PGAP1: variants seen among roughly 807,000 people sequenced by gnomAD.
PGAP1 encodes GPI inositol-deacylase.
In PGAP1, 76 loss-of-function variants were observed where a neutral mutation model predicts 127.0. The observed-to-expected ratio is 0.60, with a 90% CI of 0.50 to 0.72. The LOEUF is 0.72. Among genes scored for constraint, PGAP1 ranks in the 30% least tolerant of loss-of-function variants. The probability of loss-of-function intolerance (pLI) is 0.00; values close to 1 mark genes in which losing one functional copy is unlikely to be tolerated. For synonymous variants in PGAP1, 362 were observed against 366.5 expected, an observed-to-expected ratio of 0.99 and a Z score of 0.14; for missense variants, 982 against 1,071.3, an observed-to-expected ratio of 0.92 and a Z score of 1.16.
chr2:196,886,291 G>T (rs547543357), intron 10 of PGAP1, among the ~76,000 whole-genome samples: 2 of 150,730 alleles, frequency 1.3e-5, no homozygotes, highest in South Asian at 4.2e-4. Context: ...CTCCCAAGTA[G>T]CTGGGATTAC....
chr2:196,841,458 A>C, intron 26 of PGAP1, 86 bp from the exon 27 acceptor site: 1 of 963,162 alleles, frequency 1.0e-6, no homozygotes, highest in Non-Finnish European at 1.5e-6. Context: ...AGTTTTGGAA[A>C]GATAAATATT....
intron 20 of PGAP1, among the ~76,000 whole-genome samples, chr2:196,863,331 T>C (rs1169559702): frequency 6.6e-6 from 1 of 152,084 alleles, no homozygotes; most frequent in African/African-American, 2.4e-5. Context: ...CTAAAGTCCA[T>C]CAACAAGTGA....
chr2:196,861,218 C>T lies in PGAP1; in HGVS notation c.1861+3769G>A, dbSNP rs115904336. ...GACTTAAATTTAAAACCCGAAACGA[C>T]GAAACTACCACAAGAATATATTGGA... On this transcript the variant is annotated intron_variant, in intron 20 of 26. Coordinates refer to ENST00000354764, the MANE Select transcript of PGAP1 (RefSeq NM_024989.4). Among the ~76,000 whole-genome samples the T allele has an allele frequency of 6.7e-3, 1,016 of 152,164 alleles. 5 individuals are homozygous for T. Among genetic ancestry groups the T allele is most frequent in the African/African-American group, 0.022 (933 of 41,502 alleles).
intron 21 of PGAP1, chr2:196,847,514 T>A (rs1700594277): frequency 5.0e-6 from 1 of 199,536 alleles, no homozygotes; most frequent in Non-Finnish European, 1.0e-5. Context: ...AAAAAAGATC[T>A]ACATATTGAT....
In PGAP1 at chr2:196,839,391, G is replaced by A. The variant is rs1011008861; in HGVS notation, c.*1843C>T. 2.6e-5 allele frequency: 4 copies of A among 152,168 alleles called. No individual in the cohort carries two copies. The highest frequency in any genetic ancestry group is 5.9e-5 in the Non-Finnish European group (4 of 68,030). The allele number at this position is 152,168 out of a possible 1,614,324, so 9.4% of individuals were successfully genotyped here. ...CCCTATTTAAACATATACGTGGTAT[G>A]CCATGGGACAAGTATATAATCTAAT... is the stretch of plus-strand genomic sequence containing the variant. On this transcript the variant is annotated 3_prime_UTR_variant, in exon 27 of 27. Coordinates refer to ENST00000354764, the MANE Select transcript of PGAP1 (RefSeq NM_024989.4).
At position 196,923,187 on chromosome 2, in the gene PGAP1, C is replaced by A. The variant is rs1014507676; in HGVS notation, c.148-3037G>T. On this transcript the variant is annotated intron_variant, in intron 1 of 26. Coordinates refer to ENST00000354764, the MANE Select transcript of PGAP1 (RefSeq NM_024989.4). ...TAGAGATATTTTACATATATACAAG[C>A]AAATATGTTTATCGATTATTTTTTA... is the stretch of plus-strand genomic sequence containing the variant. 2.0e-5 allele frequency among the ~76,000 whole-genome samples: 3 copies of A among 152,078 alleles called. 1 individual carries two copies. The highest frequency in any genetic ancestry group is 4.1e-4 in the South Asian group (2 of 4,828).
At chr2:196,874,241 A>G (rs1701492022) in intron 14 of PGAP1, among the ~76,000 whole-genome samples, 1 of 152,134 alleles carries the variant, frequency 6.6e-6, no homozygotes, top group African/African-American at 2.4e-5. Context: ...CCCAATATTC[A>G]AAGCTAGAAT....
chr2:196,867,185 T>A (rs1037945688), intron 19 of PGAP1, among the ~76,000 whole-genome samples: 1 of 152,194 alleles, frequency 6.6e-6, no homozygotes, highest in African/African-American at 2.4e-5. Context: ...CATGCACACA[T>A]ATGTTTACTG....
At chr2:196,858,826 A>C (rs1700973775) in intron 20 of PGAP1, among the ~76,000 whole-genome samples, 1 of 152,180 alleles carries the variant, frequency 6.6e-6, no homozygotes, top group African/African-American at 2.4e-5. Context: ...GACTAAGAAA[A>C]AAAGAGAGAA....
intron 20 of PGAP1, among the ~76,000 whole-genome samples, chr2:196,860,911 G>A (rs1701044465): frequency 1.3e-5 from 2 of 152,122 alleles, no homozygotes; most frequent in Admixed American, 6.5e-5. Flanking sequence ...CAAAGCTGGA[G>A]GCAATCACAT....
At chr2:196,915,415 A>G (rs1576199253) in intron 3 of PGAP1, among the ~76,000 whole-genome samples, 1 of 152,198 alleles carries the variant, frequency 6.6e-6, no homozygotes, top group East Asian at 1.9e-4. Flanking sequence ...GTACAGTAGC[A>G]TACATGGAAT....
chr2:196,926,696 G>A lies in PGAP1; in HGVS notation c.-80C>T, dbSNP rs914461231. 6.3e-7 allele frequency: 1 copy of A among 1,589,348 alleles called. No homozygotes were observed. The highest frequency in any genetic ancestry group is 1.1e-5 in the South Asian group (1 of 89,628). On this transcript the variant is annotated 5_prime_UTR_variant, in exon 1 of 27. In the 5' UTR this introduces an upstream ATG that the reference lacks. Coordinates refer to ENST00000354764, the MANE Select transcript of PGAP1 (RefSeq NM_024989.4). ...GCGGGGCCCCAAGCCCGGACTGAGCGTGCTAGACACTGTCCGACCGCCACC... is the reference window on the plus strand; with the variant it reads ...GCGGGGCCCCAAGCCCGGACTGAGCATGCTAGACACTGTCCGACCGCCACC...
chr2:196,915,845 T>C (rs570387034), intron 3 of PGAP1, among the ~76,000 whole-genome samples: 13 of 152,336 alleles, frequency 8.5e-5, no homozygotes, highest in Admixed American at 5.2e-4. Flanking sequence ...TTCTTTCTCA[T>C]ACCATGTCGC....
rs1700228171 is a variant in PGAP1 at position 196,836,054 on chromosome 2, A to C, written c.*5180T>G. ...TTAGTCTTCCTAAACTAAAATCGGAATTCAAATACGCAAACAAATCTACAC... is the reference window on the plus strand; with the variant it reads ...TTAGTCTTCCTAAACTAAAATCGGACTTCAAATACGCAAACAAATCTACAC... On this transcript the variant is annotated 3_prime_UTR_variant, in exon 27 of 27. Coordinates refer to ENST00000354764, the MANE Select transcript of PGAP1 (RefSeq NM_024989.4). The C allele has an allele frequency of 6.6e-6, 1 of 151,926 alleles. No individual in the cohort carries two copies. The highest frequency in any genetic ancestry group is 2.1e-4 in the South Asian group (1 of 4,816). The allele number at this position is 151,926 out of a possible 1,614,324, so 9.4% of individuals were successfully genotyped here.
intron 10 of PGAP1, among the ~76,000 whole-genome samples, chr2:196,890,491 C>T (rs1349645734): frequency 1.3e-5 from 2 of 152,070 alleles, no homozygotes; most frequent in Admixed American, 1.3e-4. Context: ...TATTGAATAG[C>T]TTTGCTTAAT....
intron 20 of PGAP1, among the ~76,000 whole-genome samples, chr2:196,862,915 T>A (rs939268899): frequency 2.0e-5 from 3 of 152,156 alleles, no homozygotes; most frequent in Admixed American, 6.5e-5. Flanking sequence ...CAAAACTCCA[T>A]CTCAAAAAGA....
intron 1 of PGAP1, 114 bp downstream of exon 1, chr2:196,926,356 G>A (rs1291523952): frequency 6.6e-7 from 1 of 1,521,458 alleles, no homozygotes; most frequent in Non-Finnish European, 8.9e-7. Flanking sequence ...GGCGAGGACG[G>A]GACAGGGGGC....
At chr2:196,899,499 A>G (rs2125824878) in intron 5 of PGAP1, among the ~76,000 whole-genome samples, 1 of 152,328 alleles carries the variant, frequency 6.6e-6, no homozygotes. Flanking sequence ...AAATTACATT[A>G]ATGGTCAGTA....
intron 14 of PGAP1, among the ~76,000 whole-genome samples, chr2:196,875,478 G>A (rs80145053): frequency 0.021 from 3,213 of 152,064 alleles, 114 homozygotes; most frequent in African/African-American, 0.073. Flanking sequence ...ATTAATAAGG[G>A]CCAATAGGAT....
Sources: gnomAD v4.1 joint callset for allele counts (sites outside exome capture counted in the v4.1 genomes callset) on GRCh38, gnomAD v4.1.1 for gene constraint, MANE v1.5 for transcripts, NCBI Gene and HGNC (gene_info 2026-07-23, HGNC 2026-07-21) for gene names.